Variants in ZNF90 observed in about 807,000 individuals in gnomAD.
ZNF90 encodes zinc finger protein 90.
In ZNF90, 11 loss-of-function variants were observed where a neutral mutation model predicts 12.0. The ratio of observed to expected loss-of-function variants is 0.92; its 90% CI spans 0.58 to 1.52. The LOEUF (loss-of-function observed/expected upper bound fraction) is 1.52. ZNF90 is among the 40% of genes most tolerant of loss of function. The probability of loss-of-function intolerance (pLI) is 0.00; values close to 1 mark genes in which losing one functional copy is unlikely to be tolerated. For synonymous variants in ZNF90, 232 were observed against 240.1 expected (o/e 0.97, Z 0.31); for missense variants, 765 against 711.5 (o/e 1.08, Z -0.86).
At chr19:20,084,834 G>A (rs897300465) in intron 1 of ZNF90, among the ~76,000 whole-genome samples, 1 of 152,054 alleles carries the variant, frequency 6.6e-6, no homozygotes, top group Admixed American at 6.6e-5. Context: ...TTTTAATGAG[G>A]TTGTTCGGTT....
Position 20,091,370 on chromosome 19 carries a change from G to A in ZNF90, c.4-12869G>A, listed in dbSNP as rs188815141. On this transcript the variant is annotated intron_variant, in intron 1 of 3. Transcript: ENST00000418063. ...GAGAGGTTCTAAGAGACGGTCTAGCGGCTTGTAACCTACATGGAAGAGGTT... is the reference window on the plus strand; with the variant it reads ...GAGAGGTTCTAAGAGACGGTCTAGCAGCTTGTAACCTACATGGAAGAGGTT... Among the ~76,000 whole-genome samples the A allele has an allele frequency of 5.9e-5, 9 of 152,246 alleles. No homozygotes were observed. In the East Asian group the frequency reaches 7.7e-4, roughly 13 times the overall value.
rs1568295370 is a variant in ZNF90, at chr19:20,119,384, C to T, written c.*24C>T. 6.5e-7 allele frequency: 1 copy of T among 1,541,302 alleles called. No homozygotes were observed. The highest frequency in any genetic ancestry group is 8.8e-7 in the Non-Finnish European group (1 of 1,141,524). ...GAAATATTCCTCAACCCTTAATAAA[C>T]ATAAGATAATTCATACTGGAGAGAA... On this transcript the variant is annotated 3_prime_UTR_variant, in exon 4 of 4. Transcript: ENST00000418063.
rs538751558 is a variant in ZNF90 at position 20,091,717 on chromosome 19, A to G, written c.4-12522A>G. 1.9e-4 allele frequency among the ~76,000 whole-genome samples: 29 copies of G among 152,350 alleles called. 1 individual carries two copies. Among genetic ancestry groups the G allele is most frequent in the South Asian group, 1.5e-3 (7 of 4,824 alleles). ...TGAGCAGAGTTTTTATTAAAGAGGC[A>G]TTAATGATGGAGGACCCTTGTGTAG... On this transcript the variant is annotated intron_variant, in intron 1 of 3. Transcript: ENST00000418063.
intron 1 of ZNF90, chr19:20,087,697 C>G (rs1555702246): frequency 2.0e-5 from 3 of 152,246 alleles, no homozygotes; most frequent in African/African-American, 7.2e-5. Context: ...TCGTGCGTGT[C>G]TATGTGAAGA....
At position 20,118,487 on chromosome 19, in the gene ZNF90, A is replaced by T; in HGVS notation, c.933A>T (p.Lys311Asn). Residue 311 changes from lysine to asparagine, a missense_variant, in exon 4 of 4, where the codon AAA becomes AAT. Lys to Asn is a moderately conservative substitution (Grantham distance 94, BLOSUM62 0). Coordinates refer to ENST00000418063, the MANE Select transcript of ZNF90 (RefSeq NM_007138.2). Reference protein sequence around the residue: ...YVHKISHTEEKPYKCEECGKA... With the variant: ...YVHKISHTEENPYKCEECGKA... ...ATAAGATAAGTCATACTGAAGAGAA[A>T]CCCTACAAATGTGAAGAATGTGGCA... The T allele has an allele frequency of 6.2e-7, 1 of 1,613,640 alleles. No homozygotes were observed.
intron 1 of ZNF90, among the ~76,000 whole-genome samples, chr19:20,098,095 T>TTG (rs2122497475): frequency 6.6e-6 from 1 of 152,254 alleles, no homozygotes; most frequent in Non-Finnish European, 1.5e-5. Context: ...TATATTCACG[T>TTG]TGTGTCAGCT....
At position 20,119,176 on chromosome 19, in the gene ZNF90, A is replaced by G. The variant is rs782415711; in HGVS notation, c.1622A>G (p.Glu541Gly). ...HTGAKPYKCE[E>G]CGKAFKRSSQ... is the part of the protein sequence containing the mutation. Reference sequence around the variant, plus strand: ...GGAGCGAAACCCTACAAATGTGAAGAATGTGGCAAAGCCTTTAAGCGCTCC... The same window carrying G: ...GGAGCGAAACCCTACAAATGTGAAGGATGTGGCAAAGCCTTTAAGCGCTCC... The change falls in exon 4 of 4, where the codon GAA (glutamate) becomes GGA (glycine). Residue 541 changes from glutamate (E) to glycine (G), a missense_variant. Glu to Gly is a moderately conservative substitution (Grantham distance 98). Coordinates refer to ENST00000418063, the MANE Select transcript of ZNF90 (RefSeq NM_007138.2). The G allele has an allele frequency of 1.9e-6, 3 of 1,612,958 alleles. No homozygotes were observed. The African/African-American group carries it at 4.0e-5, about 22-fold the overall frequency.
Position 20,096,607 on chromosome 19 carries a change from C to T in ZNF90, c.4-7632C>T, listed in dbSNP as rs1203988917. The stretch of plus-strand genomic sequence containing the variant: ...GAAAAGGACTTTCACAAGGTAATGT[C>T]ATCAGTTAAGGCAAGGACTGGCCAT... On this transcript the variant is annotated intron_variant, in intron 1 of 3. Coordinates refer to ENST00000418063, the MANE Select transcript of ZNF90 (RefSeq NM_007138.2). Among the ~76,000 whole-genome samples, 7 of 152,106 alleles carry T rather than the reference C, an allele frequency of 4.6e-5. No homozygotes were observed. The East Asian group carries it at 9.6e-4, about 21-fold the overall frequency.
At chr19:20,112,225 T>G (rs1334501241) in intron 3 of ZNF90, among the ~76,000 whole-genome samples, 6 of 143,140 alleles carry the variant, frequency 4.2e-5, no homozygotes, top group Admixed American at 4.1e-4. Context: ...TCATGTATAA[T>G]AATTTTGATT....
At chr19:20,090,129 A>T (rs1035408239) in intron 1 of ZNF90, among the ~76,000 whole-genome samples, 2 of 152,176 alleles carry the variant, frequency 1.3e-5, no homozygotes, top group Non-Finnish European at 2.9e-5. Context: ...TGGCTTGAAG[A>T]AACAGTGTAA....
At chr19:20,112,505 A>T (rs1555705238) in intron 3 of ZNF90, among the ~76,000 whole-genome samples, 1 of 151,710 alleles carries the variant, frequency 6.6e-6, no homozygotes, top group Non-Finnish European at 1.5e-5. Context: ...CATTTTTAGT[A>T]GAGACGGGGT....
At chr19:20,115,162 C>T (rs1278083400) in intron 3 of ZNF90, among the ~76,000 whole-genome samples, 41 of 152,110 alleles carry the variant, frequency 2.7e-4, no homozygotes, top group Admixed American at 2.7e-3. Context: ...ATTTACATGA[C>T]ATTTCTACTT....
intron 3 of ZNF90, among the ~76,000 whole-genome samples, chr19:20,109,115 G>A (rs781837048): frequency 5.3e-5 from 8 of 152,112 alleles, no homozygotes; most frequent in Non-Finnish European, 8.8e-5. Flanking sequence ...TATGCTTTAA[G>A]TCAATTTGAG....
intron 1 of ZNF90, chr19:20,080,404 C>A (rs942795208): frequency 2.5e-6 from 1 of 407,878 alleles, no homozygotes; most frequent in Non-Finnish European, 4.8e-6. Context: ...CACAAACGGA[C>A]TGTGTGGATG....
intron 3 of ZNF90, among the ~76,000 whole-genome samples, chr19:20,113,180 T>C (rs2122521347): frequency 6.6e-6 from 1 of 151,426 alleles, no homozygotes; most frequent in African/African-American, 2.4e-5. Flanking sequence ...GGTTTTTTAT[T>C]TTTTTTTCTT....
intron 3 of ZNF90, among the ~76,000 whole-genome samples, chr19:20,110,627 G>A (rs540165083): frequency 7.9e-4 from 121 of 152,206 alleles, no homozygotes; most frequent in African/African-American, 2.7e-3. Flanking sequence ...TTAAAATAAT[G>A]GCTGTATCTT....
intron 1 of ZNF90, among the ~76,000 whole-genome samples, chr19:20,079,241 A>G (rs1020019535): frequency 6.6e-6 from 1 of 151,794 alleles, no homozygotes; most frequent in Non-Finnish European, 1.5e-5. Context: ...TAACTCTGGC[A>G]TGGAAATTAA....
intron 3 of ZNF90, among the ~76,000 whole-genome samples, chr19:20,106,153 TTA>T (rs2089035998): frequency 6.6e-6 from 1 of 151,438 alleles, no homozygotes; most frequent in African/African-American, 2.4e-5. Flanking sequence ...TCTTTTTATT[TTA>T]TGAGAGTTTA....
chr19:20,112,034 T>C (rs1354823178), intron 3 of ZNF90, among the ~76,000 whole-genome samples: 1 of 151,988 alleles, frequency 6.6e-6, no homozygotes, highest in Non-Finnish European at 1.5e-5. Context: ...AATTTTTGTA[T>C]TTTTAGTAGA....
Sources: gnomAD v4.1 joint callset for allele counts (sites outside exome capture counted in the v4.1 genomes callset) on GRCh38, gnomAD v4.1.1 for gene constraint, MANE v1.5 for transcripts, NCBI Gene and HGNC (gene_info 2026-07-23, HGNC 2026-07-21) for gene names.